Variants in DLGAP4 observed in about 807,000 individuals in gnomAD.
The protein encoded by DLGAP4 is DLG associated protein 4.
Under a neutral mutation model 86.9 loss-of-function variants are expected in DLGAP4, and 18 were observed. The observed-to-expected ratio is 0.21, with a 90% confidence interval of 0.14 to 0.31. The LOEUF (loss-of-function observed/expected upper bound fraction) is 0.31, where lower values mean the gene tolerates loss of function less well. Among genes scored for constraint, DLGAP4 ranks in the 10% least tolerant of loss-of-function variants. The pLI is 1.00. For missense variants in DLGAP4, 1,085 were observed against 1,362.6 expected (o/e 0.80, Z 3.21); for synonymous variants, 548 against 574.3 (o/e 0.95, Z 0.65).
Position 36,527,783 on chromosome 20 carries a change from T to TA in DLGAP4, c.*753dup, listed in dbSNP as rs752899755. 8 of 152,660 alleles carry TA rather than the reference T, an allele frequency of 5.2e-5. No homozygotes were observed. The highest frequency in any genetic ancestry group is 1.2e-4 in the Non-Finnish European group (8 of 68,110). The allele number at this position is 152,660 out of a possible 1,614,324, so 9.5% of individuals were successfully genotyped here. On this transcript the variant is annotated 3_prime_UTR_variant, in exon 13 of 13. Transcript: ENST00000339266. The stretch of plus-strand genomic sequence containing the variant: ...GGTGGAAATGAGACGAAGCCACAGT[T>TA]ATCACACTCCAGACTCCTGCCCTTT...
intron 7 of DLGAP4, among the ~76,000 whole-genome samples, chr20:36,467,064 CCCCCCCCCT>C (rs1431179349): frequency 9.3e-5 from 11 of 118,092 alleles, no homozygotes; most frequent in African/African-American, 4.9e-4. Flanking sequence ...CTCTCTCTCT[CCCCCCCCCT>C]TCTCTCGGCC....
chr20:36,333,430 G>A (rs1555891780), intron 1 of DLGAP4, among the ~76,000 whole-genome samples: 1 of 152,050 alleles, frequency 6.6e-6, no homozygotes, highest in East Asian at 1.9e-4. Context: ...GCCTCTGTGT[G>A]CCTGGTGGAT....
intron 1 of DLGAP4, among the ~76,000 whole-genome samples, chr20:36,314,320 C>G (rs1284880167): frequency 7.1e-6 from 1 of 141,842 alleles, no homozygotes; most frequent in Admixed American, 6.9e-5. Context: ...TTCCCACTCC[C>G]TGTGTGTGTG....
At chr20:36,380,836 C>T (rs1454261260) in intron 2 of DLGAP4, among the ~76,000 whole-genome samples, 1 of 152,206 alleles carries the variant, frequency 6.6e-6, no homozygotes, top group Non-Finnish European at 1.5e-5. Flanking sequence ...AGAGTAAAGC[C>T]TGCATGCTTC....
intron 7 of DLGAP4, among the ~76,000 whole-genome samples, chr20:36,475,953 G>A (rs1005840110): frequency 5.3e-5 from 8 of 151,336 alleles, no homozygotes; most frequent in South Asian, 2.1e-4. Flanking sequence ...TTCGCCTCCC[G>A]GGTTCAAGCA....
At position 36,508,633 on chromosome 20, in the gene DLGAP4, G is replaced by T. The variant is rs138026029; in HGVS notation, c.2512+8022G>T. On this transcript the variant is annotated intron_variant, in intron 10 of 12. Transcript: ENST00000339266. ...AGTAGAGATGAGGTTTCTCCATATTGGTCAGGCTGGTCTTGAACTCCCGAC... is the reference window on the plus strand; with the variant it reads ...AGTAGAGATGAGGTTTCTCCATATTTGTCAGGCTGGTCTTGAACTCCCGAC... 1.9e-3 allele frequency among the ~76,000 whole-genome samples: 287 copies of T among 152,186 alleles called. 1 individual carries two copies. The highest frequency in any genetic ancestry group is 6.7e-3 in the African/African-American group (279 of 41,530).
At chr20:36,491,881 A>G (rs1481960859) in intron 7 of DLGAP4, among the ~76,000 whole-genome samples, 8 of 152,278 alleles carry the variant, frequency 5.3e-5, no homozygotes, top group Non-Finnish European at 1.0e-4. Context: ...CATAACCCCA[A>G]TCCTGGCATG....
intron 7 of DLGAP4, among the ~76,000 whole-genome samples, chr20:36,484,607 AAAAGGG>A: frequency 6.6e-6 from 1 of 152,368 alleles, no homozygotes; most frequent in Admixed American, 6.5e-5. Flanking sequence ...CCTTCCGGCC[AAAAGGG>A]ACTTTCTCTG....
chr20:36,405,274 A>G (rs898063626), intron 2 of DLGAP4, among the ~76,000 whole-genome samples: 4 of 152,148 alleles, frequency 2.6e-5, no homozygotes, highest in Non-Finnish European at 4.4e-5. Context: ...CATCTCTGTA[A>G]CCTTGGGCAA....
At position 36,373,133 on chromosome 20, in the gene DLGAP4, T is replaced by C. The variant is rs551267891; in HGVS notation, c.-73+5858T>C. Among the ~76,000 whole-genome samples the C allele has an allele frequency of 2.6e-5, 4 of 152,338 alleles. No individual in the cohort carries two copies. In the East Asian group the frequency reaches 7.7e-4, roughly 29 times the overall value. ...AGATATAGGTGAGCTCTATTTTGAT[T>C]TTTGTTTCTATCATTCAGAGTTTTT... On this transcript the variant is annotated intron_variant, in intron 2 of 12. Coordinates refer to ENST00000339266, the MANE Select transcript of DLGAP4 (RefSeq NM_001365621.2).
intron 10 of DLGAP4, among the ~76,000 whole-genome samples, chr20:36,509,732 AGAGT>A (rs1373560978): frequency 1.3e-5 from 2 of 152,212 alleles, no homozygotes; most frequent in Admixed American, 6.5e-5. Flanking sequence ...CCTGGACAAC[AGAGT>A]GAGACCCTGT....
rs1569528423 is a variant in DLGAP4 at position 36,528,217 on chromosome 20, C to CTAT, written c.*1188_*1190dup. Reference sequence around the variant, plus strand: ...CTGCCCAGCCTCTGAGTTTTCTGTTCTATTTTTTTTTTAACCCCAATTATC... The same window carrying CTAT: ...CTGCCCAGCCTCTGAGTTTTCTGTTCTATTATTTTTTTTTTAACCCCAATTATC... On this transcript the variant is annotated 3_prime_UTR_variant, in exon 13 of 13. Transcript: ENST00000339266. The CTAT allele has an allele frequency of 6.7e-6, 1 of 149,642 alleles. No homozygotes were observed. Among genetic ancestry groups the CTAT allele is most frequent in the Non-Finnish European group, 1.5e-5 (1 of 67,694 alleles). The allele number at this position is 149,642 out of a possible 1,614,324, so 9.3% of individuals were successfully genotyped here.
intron 1 of DLGAP4, among the ~76,000 whole-genome samples, chr20:36,354,656 G>A (rs2075318052): frequency 6.6e-6 from 1 of 152,230 alleles, no homozygotes; most frequent in African/African-American, 2.4e-5. Context: ...GCTGGGCACA[G>A]TGGCTTGTAT....
At chr20:36,420,750 G>T (rs1173859261) in intron 2 of DLGAP4, among the ~76,000 whole-genome samples, 1 of 152,066 alleles carries the variant, frequency 6.6e-6, no homozygotes, top group Non-Finnish European at 1.5e-5. Context: ...GAGGCGGGCG[G>T]ATCACCTGAG....
At chr20:36,341,056 C>T (rs1024286902) in intron 1 of DLGAP4, among the ~76,000 whole-genome samples, 1 of 152,194 alleles carries the variant, frequency 6.6e-6, no homozygotes, top group Non-Finnish European at 1.5e-5. Context: ...TTCTATCACC[C>T]ATTGCACAAA....
chr20:36,388,055 A>C (rs2031659703), intron 2 of DLGAP4, among the ~76,000 whole-genome samples: 1 of 152,158 alleles, frequency 6.6e-6, no homozygotes, highest in Non-Finnish European at 1.5e-5. Flanking sequence ...ATGAAGAAAA[A>C]TACCCTGAGC....
intron 7 of DLGAP4, among the ~76,000 whole-genome samples, chr20:36,466,740 G>A (rs1192884523): frequency 6.6e-6 from 1 of 152,208 alleles, no homozygotes; most frequent in East Asian, 1.9e-4. Flanking sequence ...CCAGGGACGG[G>A]TAGGGATGCC....
intron 1 of DLGAP4, among the ~76,000 whole-genome samples, chr20:36,332,814 C>T (rs2065283354): frequency 1.3e-5 from 2 of 152,020 alleles, no homozygotes. Flanking sequence ...CATCCCAGCC[C>T]CCCACCAGTC....
intron 7 of DLGAP4, among the ~76,000 whole-genome samples, chr20:36,454,017 T>TC (rs1002294129): frequency 6.9e-6 from 1 of 145,248 alleles, no homozygotes; most frequent in African/African-American, 2.5e-5. Flanking sequence ...ACGCCTGTAA[T>TC]CCCAGCATTT....
Sources: gnomAD v4.1 joint callset for allele counts (sites outside exome capture counted in the v4.1 genomes callset) on GRCh38, gnomAD v4.1.1 for gene constraint, MANE v1.5 for transcripts, NCBI Gene and HGNC (gene_info 2026-07-23, HGNC 2026-07-21) for gene names.